OOEP: variants seen among roughly 807,000 people sequenced by gnomAD.
OOEP encodes the protein oocyte-expressed protein homolog.
A neutral mutation model predicts 13.7 loss-of-function variants in OOEP; 16 were observed. The ratio of observed to expected loss-of-function variants is 1.16; its 90% CI spans 0.79 to 1.77. OOEP has a LOEUF of 1.77. OOEP is among the 40% of genes most tolerant of loss of function. OOEP has a pLI of 0.00. For missense variants in OOEP, 195 were observed against 193.1 expected, an observed-to-expected ratio of 1.01 and a Z score of -0.06; for synonymous variants, 89 against 77.1, an observed-to-expected ratio of 1.15 and a Z score of -0.81.
At chr6:73,383,132 C>A (rs1042844819) in intron 2 of OOEP, among the ~76,000 whole-genome samples, 1 of 152,128 alleles carries the variant, frequency 6.6e-6, no homozygotes, top group Non-Finnish European at 1.5e-5. Flanking sequence ...GCCACCACAC[C>A]TGGCTGTAAA....
intron 2 of OOEP, among the ~76,000 whole-genome samples, chr6:73,382,551 G>A (rs1309029439): frequency 4.0e-5 from 6 of 151,588 alleles, no homozygotes; most frequent in Non-Finnish European, 8.8e-5. Context: ...TGTAGAGAGC[G>A]GGTCTCACCA....
rs897362905 is a variant in OOEP, at chr6:73,368,680, A to G, written c.*104T>C. On this transcript the variant is annotated 3_prime_UTR_variant, in exon 3 of 3. Coordinates refer to ENST00000370359, the MANE Select transcript of OOEP (RefSeq NM_001080507.3). ...AATAAACCACAATCCATCAAGACAC[A>G]GGAAAAAGGAATACGGGGATTTAAG... 3 of 745,036 alleles carry G rather than the reference A, an allele frequency of 4.0e-6. No individual in the cohort carries two copies. Among genetic ancestry groups the G allele is most frequent in the South Asian group, 1.6e-5 (1 of 62,638 alleles). 46.2% of individuals were successfully genotyped at this position (745,036 alleles called of 1,614,324 possible).
At chr6:73,387,447 G>A (rs1432858408) in intron 2 of OOEP, among the ~76,000 whole-genome samples, 1 of 152,094 alleles carries the variant, frequency 6.6e-6, no homozygotes, top group East Asian at 1.9e-4. Context: ...ATGGGAGGCG[G>A]AGGTTGCAGT....
intron 2 of OOEP, among the ~76,000 whole-genome samples, chr6:73,387,147 G>A (rs1769285413): frequency 6.6e-6 from 1 of 151,728 alleles, no homozygotes; most frequent in South Asian, 2.1e-4. Flanking sequence ...AATGTAAAAT[G>A]CAAAAGTGGT....
intron 2 of OOEP, among the ~76,000 whole-genome samples, chr6:73,384,921 G>A (rs1034536484): frequency 1.3e-4 from 20 of 151,652 alleles, no homozygotes; most frequent in African/African-American, 4.8e-4. Flanking sequence ...ATTTTTAGTA[G>A]AGACGGGGTT....
At chr6:73,383,281 T>C (rs1769232222) in intron 2 of OOEP, among the ~76,000 whole-genome samples, 1 of 152,208 alleles carries the variant, frequency 6.6e-6, no homozygotes, top group South Asian at 2.1e-4. Flanking sequence ...CCAGGAGACA[T>C]AGCCTTATTT....
upstream of OOEP, among the ~76,000 whole-genome samples, chr6:73,372,780 G>T (rs1455486953): frequency 6.6e-6 from 1 of 152,108 alleles, no homozygotes; most frequent in Non-Finnish European, 1.5e-5. Flanking sequence ...GCTTCTTGGG[G>T]TGCCAGGGAT....
chr6:73,389,785 T>C (rs926212345), intron 2 of OOEP, among the ~76,000 whole-genome samples: 10 of 152,178 alleles, frequency 6.6e-5, no homozygotes, highest in Non-Finnish European at 1.5e-4. Flanking sequence ...ACATGGCACA[T>C]GTATACATAT....
At chr6:73,369,034 T>C (rs760966014) in intron 2 of OOEP, among the ~76,000 whole-genome samples, 171 bp from the exon 3 acceptor site, 8 of 152,292 alleles carry the variant, frequency 5.3e-5, no homozygotes, top group Non-Finnish European at 1.0e-4. Flanking sequence ...TCTGCTGACT[T>C]TCCCAAGGTC....
intron 2 of OOEP, among the ~76,000 whole-genome samples, chr6:73,385,231 C>T (rs1288058448): frequency 6.6e-6 from 1 of 151,752 alleles, no homozygotes; most frequent in African/African-American, 2.4e-5. Flanking sequence ...CCTGTAGTCC[C>T]AGCTACTTGG....
Position 73,376,909 on chromosome 6 carries a change from C to T in OOEP, c.26-7524G>A, listed in dbSNP as rs144032481. On this transcript the variant is annotated intron_variant, in intron 2 of 3. Coordinates refer to the OOEP transcript ENST00000370363. The stretch of plus-strand genomic sequence containing the variant: ...TCAGGTGATCCACCCGCTTTGGCCT[C>T]CCAAAGTGCTGAGATTACAGGCGTG... 8.4e-3 allele frequency among the ~76,000 whole-genome samples: 1,286 copies of T among 152,312 alleles called. 15 individuals carry two copies. Among genetic ancestry groups the T allele is most frequent in the African/African-American group, 0.03 (1,227 of 41,562 alleles).
chr6:73,386,496 T>C (rs1224591351), intron 2 of OOEP, among the ~76,000 whole-genome samples: 1 of 152,180 alleles, frequency 6.6e-6, no homozygotes, highest in African/African-American at 2.4e-5. Context: ...ACAAAATCAA[T>C]ATACACAAAG....
chr6:73,378,481 G>C (rs937150446), intron 2 of OOEP, among the ~76,000 whole-genome samples: 3 of 152,052 alleles, frequency 2.0e-5, no homozygotes, highest in Non-Finnish European at 4.4e-5. Context: ...TTGAGGCCAG[G>C]CATGGTGGCT....
At position 73,390,309 on chromosome 6, in the gene OOEP, A is replaced by G. The variant is rs572498248; in HGVS notation, c.25+4037T>C. Among the ~76,000 whole-genome samples, 3 of 152,310 alleles carry G rather than the reference A, an allele frequency of 2.0e-5. No homozygotes were observed. The East Asian group carries it at 5.8e-4, about 29-fold the overall frequency. ...CTTTTTAGACTTTATCTTTTAGAAC[A>G]ATTTTAGGTTCACAGCAAGTATTGT... On this transcript the variant is annotated intron_variant, in intron 2 of 3. Coordinates refer to the OOEP transcript ENST00000370363.
intron 2 of OOEP, among the ~76,000 whole-genome samples, chr6:73,379,633 T>A (rs1432339308): frequency 3.2e-5 from 2 of 63,202 alleles, no homozygotes; most frequent in African/African-American, 5.7e-5. Context: ...AGTGAGACTC[T>A]ATCTCAAAAA....
chr6:73,368,901 A>G (rs1275125046), intron 2 of OOEP, 38 bp from the exon 3 acceptor site: 4 of 1,506,464 alleles, frequency 2.7e-6, no homozygotes, highest in Non-Finnish European at 3.7e-6. Context: ...ATGGACAGGG[A>G]CAAGTGTTTG....
upstream of OOEP, chr6:73,373,232 C>A (rs183555492): frequency 1.2e-6 from 2 of 1,612,738 alleles, no homozygotes; most frequent in African/African-American, 2.7e-5. Context: ...GGCCAGGAAT[C>A]GCTTAATCCT....
chr6:73,375,743 A>G (rs7747491), intron 2 of OOEP, among the ~76,000 whole-genome samples: 8,773 of 151,076 alleles, frequency 0.058, 660 homozygotes, highest in East Asian at 0.19. Context: ...GCAAAACTAA[A>G]TTTCTCCCAA....
At chr6:73,368,955 A>G in intron 2 of OOEP, 92 bp from the exon 3 acceptor site, 1 of 1,027,924 alleles carries the variant, frequency 9.7e-7, no homozygotes. Flanking sequence ...GAGGAGAGAA[A>G]GATCTGCGAT....
Sources: gnomAD v4.1 joint callset for allele counts (sites outside exome capture counted in the v4.1 genomes callset) on GRCh38, gnomAD v4.1.1 for gene constraint, MANE v1.5 for transcripts, NCBI Gene and HGNC (gene_info 2026-07-23, HGNC 2026-07-21) for gene names.